Variants in DMD observed in about 807,000 individuals in gnomAD.
The protein encoded by DMD is mutant dystrophin.
A neutral mutation model predicts 330.1 loss-of-function variants in DMD; 63 were observed. That is an observed-to-expected ratio of 0.19 (90% CI 0.16 to 0.24). The LOEUF is 0.24. Ranked by LOEUF, DMD falls within the 10% of genes least tolerant of loss-of-function variation. The pLI is 1.00. For synonymous variants in DMD, 1,223 were observed against 959.8 expected, an observed-to-expected ratio of 1.27 and a Z score of -5.07; for missense variants, 3,344 against 2,684.1, an observed-to-expected ratio of 1.25 and a Z score of -5.43.
chrX:32,709,612 T>A (rs2147762380), intron 7 of DMD, among the ~76,000 whole-genome samples: 1 of 111,309 alleles, frequency 9.0e-6, no homozygotes, highest in South Asian at 3.8e-4. Flanking sequence ...AAGGCCATTT[T>A]ACACCTCTTG....
At chrX:32,738,710 T>C (rs1003598514) in intron 7 of DMD, among the ~76,000 whole-genome samples, 7 of 111,660 alleles carry the variant, frequency 6.3e-5, no homozygotes, top group African/African-American at 2.3e-4. Context: ...CAGAACAGAA[T>C]TGGAGAACAT....
intron 2 of DMD, among the ~76,000 whole-genome samples, chrX:32,860,989 G>A (rs764985743): frequency 2.7e-5 from 3 of 111,863 alleles, no homozygotes; most frequent in Non-Finnish European, 5.6e-5. Flanking sequence ...TGGAAAACAC[G>A]GGGGAATGGT....
chrX:32,299,956 T>C lies in DMD; in HGVS notation c.6117+10126A>G, dbSNP rs113243464. ...TTTCATGATTTCAGTTACACTCATG[T>C]CTTATATATTTTTGCTTGGATGATG... is the stretch of plus-strand genomic sequence containing the variant. On this transcript the variant is annotated intron_variant, in intron 42 of 78. Transcript: ENST00000357033. 4.3e-4 allele frequency among the ~76,000 whole-genome samples: 48 copies of C among 111,796 alleles called. 1 individual carries two copies. Among genetic ancestry groups the C allele is most frequent in the African/African-American group, 1.2e-3 (38 of 30,894 alleles).
intron 54 of DMD, among the ~76,000 whole-genome samples, chrX:31,655,731 A>G (rs2080743342): frequency 9.0e-6 from 1 of 110,724 alleles, no homozygotes; most frequent in Non-Finnish European, 1.9e-5. Flanking sequence ...TCCACCTTCC[A>G]TCATGGAATC....
intron 9 of DMD, among the ~76,000 whole-genome samples, chrX:32,660,067 T>C (rs765033569): frequency 1.8e-5 from 2 of 111,517 alleles, no homozygotes; most frequent in South Asian, 7.5e-4. Flanking sequence ...GGAGTAATCA[T>C]GCTTCAGGGT....
intron 63 of DMD, among the ~76,000 whole-genome samples, chrX:31,235,132 A>C (rs1243470428): frequency 8.9e-6 from 1 of 111,808 alleles, no homozygotes; most frequent in Non-Finnish European, 1.9e-5. Context: ...GCCTAGGAGA[A>C]GGTTCAGGAG....
intron 43 of DMD, among the ~76,000 whole-genome samples, chrX:32,242,124 G>T (rs898854970): frequency 1.8e-5 from 2 of 112,018 alleles, no homozygotes; most frequent in East Asian, 5.6e-4. Flanking sequence ...CTTGGTAACT[G>T]CAACAAGAAC....
intron 41 of DMD, among the ~76,000 whole-genome samples, chrX:32,320,035 C>CA (rs1324550400): frequency 9.0e-6 from 1 of 110,644 alleles, no homozygotes; most frequent in East Asian, 2.8e-4. Flanking sequence ...ATACTTAATT[C>CA]AGTGTGAAAA....
At chrX:31,795,179 C>CA (rs1440006775) in intron 50 of DMD, among the ~76,000 whole-genome samples, 1 of 111,691 alleles carries the variant, frequency 9.0e-6, no homozygotes, top group Non-Finnish European at 1.9e-5. Flanking sequence ...GATTTAGATT[C>CA]ACCTAAATCT....
At chrX:32,715,448 G>A (rs1419181497) in intron 7 of DMD, among the ~76,000 whole-genome samples, 2 of 81,025 alleles carry the variant, frequency 2.5e-5, no homozygotes, top group African/African-American at 1.1e-4. Flanking sequence ...CTGCACATCA[G>A]CCTGGTGACA....
intron 1 of DMD, among the ~76,000 whole-genome samples, chrX:33,191,546 C>A (rs2050648439): frequency 9.0e-6 from 1 of 110,889 alleles, no homozygotes; most frequent in African/African-American, 3.3e-5. Context: ...GCCTCAGCCT[C>A]CCAAGCAGCT....
In DMD at chrX:33,261,997, T is replaced by C. The variant is rs189236489; in HGVS notation, c.7+77262A>G. 6.3e-5 allele frequency among the ~76,000 whole-genome samples: 7 copies of C among 110,632 alleles called. No individual in the cohort carries two copies. In the East Asian group the frequency reaches 2.0e-3, roughly 32 times the overall value. ...ACCATGAGTTCAGTCTAGATGAAAT[T>C]ATTCTCATATAGATGTCTGAAGAAC... On this transcript the variant is annotated intron_variant, in intron 1 of 17. Transcript: ENST00000288447.
chrX:31,416,975 C>T lies in DMD; in HGVS notation c.9084+27506G>A, dbSNP rs139384785. Reference sequence around the variant, plus strand: ...AGAACAGAGACTGAAATAAAGTGGTCGTTTCAAAGCTTTAAATACTCTGCT... The same window carrying T: ...AGAACAGAGACTGAAATAAAGTGGTTGTTTCAAAGCTTTAAATACTCTGCT... On this transcript the variant is annotated intron_variant, in intron 60 of 78. Transcript: ENST00000357033. Among the ~76,000 whole-genome samples the T allele has an allele frequency of 8.7e-3, 974 of 112,136 alleles. 2 individuals are homozygous for T. The highest frequency in any genetic ancestry group is 0.021 in the South Asian group (57 of 2,673).
rs184402475 is a variant in DMD at position 32,213,901 on chromosome X, G to A, written c.6438+3015C>T. 2.2e-3 allele frequency among the ~76,000 whole-genome samples: 247 copies of A among 110,235 alleles called. 1 individual carries two copies. The highest frequency in any genetic ancestry group is 7.6e-3 in the African/African-American group (230 of 30,258). The stretch of plus-strand genomic sequence containing the variant: ...AGGCAGGAGAATTGCTTGAAGCCTG[G>A]AGGCAGAGGTTGCAGTGAGCTGAGA... On this transcript the variant is annotated intron_variant, in intron 44 of 78. Transcript: ENST00000357033.
chrX:31,662,348 T>C, intron 53 of DMD, among the ~76,000 whole-genome samples: 1 of 111,502 alleles, frequency 9.0e-6, no homozygotes, highest in Non-Finnish European at 1.9e-5. Flanking sequence ...CTAATTTTAA[T>C]GAGTCAAACT....
intron 55 of DMD, among the ~76,000 whole-genome samples, chrX:31,595,398 C>T (rs933677334): frequency 9.0e-5 from 10 of 110,926 alleles, no homozygotes; most frequent in African/African-American, 3.3e-4. Context: ...CCCTTGATTC[C>T]ATCCTAACAA....
chrX:32,821,362 A>G (rs1401791861), intron 5 of DMD, among the ~76,000 whole-genome samples: 6 of 110,709 alleles, frequency 5.4e-5, no homozygotes, highest in African/African-American at 2.0e-4. Context: ...AGGCAGGAGG[A>G]TCACGAGGTC....
chrX:31,685,296 G>T (rs1023893726), intron 52 of DMD, among the ~76,000 whole-genome samples: 1 of 111,592 alleles, frequency 9.0e-6, no homozygotes, highest in Non-Finnish European at 1.9e-5. Flanking sequence ...GAGACATCTG[G>T]GGACAAAATT....
chrX:32,479,576 C>T (rs949581513), intron 21 of DMD, among the ~76,000 whole-genome samples: 5 of 109,968 alleles, frequency 4.5e-5, no homozygotes, highest in South Asian at 7.6e-4. Context: ...GCCTAATGTC[C>T]GCCAGTTCTA....
Sources: gnomAD v4.1 joint callset for allele counts (sites outside exome capture counted in the v4.1 genomes callset) on GRCh38, gnomAD v4.1.1 for gene constraint, MANE v1.5 for transcripts, NCBI Gene and HGNC (gene_info 2026-07-23, HGNC 2026-07-21) for gene names.